SPATA13: variants seen among roughly 807,000 people sequenced by gnomAD.
SPATA13 encodes the protein spermatogenesis-associated protein 13.
A neutral mutation model predicts 104.0 loss-of-function variants in SPATA13; 50 were observed. That is an observed-to-expected ratio of 0.48 (90% CI 0.38 to 0.61). The LOEUF (loss-of-function observed/expected upper bound fraction) is 0.61. Among genes scored for constraint, SPATA13 ranks in the 20% least tolerant of loss-of-function variants. SPATA13 has a pLI of 0.00. For missense variants in SPATA13, 1,524 were observed against 1,690.6 expected (o/e 0.90, Z 1.73); for synonymous variants, 606 against 667.5 (o/e 0.91, Z 1.42).
intron 3 of SPATA13, among the ~76,000 whole-genome samples, chr13:24,038,097 T>C (rs1416972823): frequency 2.6e-5 from 4 of 151,920 alleles, no homozygotes; most frequent in Non-Finnish European, 4.4e-5. Flanking sequence ...ATTTTTTTAG[T>C]AGAGACGGGG....
chr13:24,177,565 T>G (rs949951917), intron 1 of SPATA13, among the ~76,000 whole-genome samples: 16 of 152,242 alleles, frequency 1.1e-4, no homozygotes, highest in African/African-American at 3.9e-4. Flanking sequence ...GCTCAAGTGA[T>G]TCTCCTGCCT....
At chr13:24,297,760 C>A in intron 11 of SPATA13, 25 bp downstream of exon 11, 2 of 1,587,902 alleles carry the variant, frequency 1.3e-6, no homozygotes, top group East Asian at 2.2e-5. Flanking sequence ...GCTCTGCAGG[C>A]ACCTGTGCCT....
rs148724345 is a variant in SPATA13, at chr13:24,085,180, C to T, written c.-112+67479C>T. Among the ~76,000 whole-genome samples the T allele has an allele frequency of 8.4e-3, 1,275 of 152,162 alleles. 20 individuals are homozygous for T. Among genetic ancestry groups the T allele is most frequent in the African/African-American group, 0.03 (1,227 of 41,500 alleles). The stretch of plus-strand genomic sequence containing the variant: ...CTCTGTCACCTAGGCTGGAGTGCAG[C>T]GGTGCAATCTGGGCTCACTGCAACC... On this transcript the variant is annotated intron_variant, in intron 3 of 14. Coordinates refer to the SPATA13 transcript ENST00000424834.
At chr13:24,243,875 C>T (rs1220597) in intron 2 of SPATA13, among the ~76,000 whole-genome samples, 78,685 of 151,960 alleles carry the variant, frequency 0.52, 20,615 homozygotes, top group East Asian at 0.71. Context: ...TTTGGTATGC[C>T]CAGAGTCCCT....
chr13:24,259,267 T>C (rs1353344993), intron 4 of SPATA13, among the ~76,000 whole-genome samples: 4 of 152,368 alleles, frequency 2.6e-5, no homozygotes, highest in African/African-American at 7.2e-5. Flanking sequence ...TTTCTGCTGC[T>C]GTCTGCAGGG....
intron 4 of SPATA13, among the ~76,000 whole-genome samples, chr13:24,256,727 C>T (rs1307812498): frequency 6.6e-6 from 1 of 152,146 alleles, no homozygotes; most frequent in South Asian, 2.1e-4. Flanking sequence ...ACACAGCCTG[C>T]GAAGGCAGGT....
intron 2 of SPATA13, among the ~76,000 whole-genome samples, chr13:23,995,095 A>G (rs781123819): frequency 6.6e-6 from 1 of 152,138 alleles, no homozygotes; most frequent in African/African-American, 2.4e-5. Flanking sequence ...ACAGCCCCCA[A>G]ACACAATGTC....
chr13:23,988,992 T>C (rs1875282189), intron 2 of SPATA13, among the ~76,000 whole-genome samples: 1 of 152,210 alleles, frequency 6.6e-6, no homozygotes, highest in Non-Finnish European at 1.5e-5. Context: ...GATCAAATAC[T>C]GGCTCGGTGA....
At chr13:24,135,162 C>T (rs1881517751) in intron 3 of SPATA13, among the ~76,000 whole-genome samples, 1 of 152,152 alleles carries the variant, frequency 6.6e-6, no homozygotes, top group Non-Finnish European at 1.5e-5. Flanking sequence ...GTATAAGCCA[C>T]CTAGCTCGTG....
chr13:24,286,833 G>C lies in SPATA13; in HGVS notation c.2550G>C (p.Glu850Asp). 1.2e-6 allele frequency: 2 copies of C among 1,613,742 alleles called. No individual in the cohort carries two copies. The highest frequency in any genetic ancestry group is 1.7e-6 in the Non-Finnish European group (2 of 1,180,014). The part of the protein sequence containing the change: ...SSTPSEEQDE[E>D]ASQSRHRHCE... ...CCCCCAGTGAGGAGCAGGACGAGGA[G>C]GCCAGCCAGAGCCGCCACAGACACT... The change falls in exon 7 of 13, where the codon GAG becomes GAC. Residue 850 changes from glutamate (E) to aspartate (D), a missense_variant. Glu to Asp is a conservative substitution (Grantham distance 45). Transcript: ENST00000382108. The surrounding 1 kb of genome is among the most constrained non-coding windows in gnomAD (Gnocchi z 4.9).
At chr13:24,271,029 TCTCTCTCTCTCA>T (rs1461893670) in intron 4 of SPATA13, 3 of 717,312 alleles carry the variant, frequency 4.2e-6, no homozygotes, top group Admixed American at 2.1e-5. Flanking sequence ...TCACTCTCTC[TCTCTCTCTCTCA>T]CTCTCTCTCT....
In SPATA13 at chr13:24,228,785, A is replaced by G. The variant is rs749146821; in HGVS notation, c.1653+4203A>G. Among the ~76,000 whole-genome samples the G allele has an allele frequency of 3.7e-4, 56 of 152,372 alleles. 1 individual carries two copies. The highest frequency in any genetic ancestry group is 4.6e-4 in the Non-Finnish European group (31 of 68,030). On this transcript the variant is annotated intron_variant, in intron 2 of 12. Coordinates refer to ENST00000382108, the MANE Select transcript of SPATA13 (RefSeq NM_001166271.3). ...AAATTTAAACTTATTGTTGAATATG[A>G]AAAGTTGTAATCAACATATATTATG... is the stretch of plus-strand genomic sequence containing the variant.
chr13:24,129,804 G>A (rs1881335948), intron 3 of SPATA13, among the ~76,000 whole-genome samples: 1 of 152,264 alleles, frequency 6.6e-6, no homozygotes, highest in South Asian at 2.1e-4. Flanking sequence ...CTCAGTCCCT[G>A]TATGGTGAGT....
At chr13:24,185,081 A>G (rs1869062516) in intron 1 of SPATA13, among the ~76,000 whole-genome samples, 1 of 152,128 alleles carries the variant, frequency 6.6e-6, no homozygotes, top group Non-Finnish European at 1.5e-5. Flanking sequence ...CTGTCACTGC[A>G]TTTGTTGCCA....
chr13:24,223,571 G>T lies in SPATA13; in HGVS notation c.642G>T (p.Leu214=). 2.6e-6 allele frequency: 4 copies of T among 1,549,778 alleles called. No individual in the cohort carries two copies. The highest frequency in any genetic ancestry group is 2.6e-6 in the Non-Finnish European group (3 of 1,147,002). Residue 214 remains leucine (L), a synonymous_variant, in exon 2 of 13, where the codon CTG becomes CTT. Coordinates refer to ENST00000382108, the MANE Select transcript of SPATA13 (RefSeq NM_001166271.3). ...RRAYGLGRIC[L]LDAPQNHATP... Reference sequence around the variant, plus strand: ...CCTACGGCCTGGGCCGCATCTGCCTGCTGGATGCGCCCCAGAACCATGCGA... The same window carrying T: ...CCTACGGCCTGGGCCGCATCTGCCTTCTGGATGCGCCCCAGAACCATGCGA...
chr13:24,179,725 C>A (rs1435591177), intron 1 of SPATA13, among the ~76,000 whole-genome samples: 1 of 152,162 alleles, frequency 6.6e-6, no homozygotes, highest in African/African-American at 2.4e-5. Flanking sequence ...TCTGAAGTGG[C>A]ATCTTATTTG....
In SPATA13 at chr13:24,306,772, T is replaced by A. The variant is rs1877603137; in HGVS notation, c.*3999T>A. ...TTTTAATCTTTCTAATCTTTTTTTG[T>A]AAATATTAGTGTCCATTCTGTATGA... is the stretch of plus-strand genomic sequence containing the variant. On this transcript the variant is annotated 3_prime_UTR_variant, in exon 13 of 13. Coordinates refer to ENST00000382108, the MANE Select transcript of SPATA13 (RefSeq NM_001166271.3). The A allele has an allele frequency of 6.6e-6, 1 of 152,240 alleles. No homozygotes were observed. The highest frequency in any genetic ancestry group is 6.5e-5 in the Admixed American group (1 of 15,282). 9.4% of individuals were successfully genotyped at this position (152,240 alleles called of 1,614,324 possible).
Position 24,284,247 on chromosome 13 carries a change from CG to C in SPATA13, c.2281del (p.Glu761SerfsTer8). On this transcript the variant is annotated frameshift_variant, in exon 5 of 13. Coordinates refer to ENST00000382108, the MANE Select transcript of SPATA13 (RefSeq NM_001166271.3). LOFTEE classifies it high-confidence loss of function. ...CCAGCCCTCGGTACCTGCAGCCCGGCGGGGAGCAGCTGGCCATCAATGAGGT... is the reference window on the plus strand; with the variant it reads ...CCAGCCCTCGGTACCTGCAGCCCGGCGGGAGCAGCTGGCCATCAATGAGGT... Reference protein sequence around the residue: ...QASPRYLQPGGEQLAINELIS... With the variant: ...QASPRYLQPGXEQLAINELIS... 1 of 1,613,484 alleles carries C rather than the reference CG, an allele frequency of 6.2e-7. No homozygotes were observed. Among genetic ancestry groups the C allele is most frequent in the East Asian group, 2.2e-5 (1 of 44,880 alleles).
chr13:24,292,636 G>T (rs1876475038), intron 9 of SPATA13, among the ~76,000 whole-genome samples: 1 of 152,102 alleles, frequency 6.6e-6, no homozygotes, highest in South Asian at 2.1e-4. Flanking sequence ...CTTCCTGCAG[G>T]GAGTGGAGAG....
Sources: allele counts gnomAD v4.1 joint callset (sites outside exome capture counted in the v4.1 genomes callset), GRCh38; gene constraint gnomAD v4.1.1; non-coding constraint Gnocchi (gnomAD v3.1); transcripts MANE v1.5; gene names NCBI Gene and HGNC (gene_info 2026-07-23, HGNC 2026-07-21).